The following KIRREL3 variants were observed in gnomAD, a reference collection of about 807,000 sequenced individuals.
The protein encoded by KIRREL3 is kirre like nephrin family adhesion molecule 3.
KIRREL3 carries 36 observed loss-of-function variants against 89.7 expected under a neutral mutation model. The ratio of observed to expected loss-of-function variants is 0.40; its 90% CI spans 0.31 to 0.53. KIRREL3 has a LOEUF of 0.53. Ranked by LOEUF, KIRREL3 falls within the 20% of genes least tolerant of loss-of-function variation. The probability of loss-of-function intolerance (pLI) is 0.49; values close to 1 mark genes in which losing one functional copy is unlikely to be tolerated. For synonymous variants in KIRREL3, 445 were observed against 441.4 expected (o/e 1.01, Z -0.10); for missense variants, 864 against 1,056.6 (o/e 0.82, Z 2.53).
At chr11:126,765,053 T>A (rs368059866) in intron 1 of KIRREL3, among the ~76,000 whole-genome samples, 1 of 152,186 alleles carries the variant, frequency 6.6e-6, no homozygotes, top group African/African-American at 2.4e-5. Flanking sequence ...ATGACATTCC[T>A]AGAGATGGAC....
chr11:126,838,363 T>C (rs911161597), intron 1 of KIRREL3, among the ~76,000 whole-genome samples: 10 of 152,142 alleles, frequency 6.6e-5, no homozygotes, highest in African/African-American at 2.4e-4. Context: ...CTCAAATCAC[T>C]CTAGGGCCAG....
chr11:126,927,232 AC>A (rs1947757613), intron 1 of KIRREL3, among the ~76,000 whole-genome samples: 1 of 24,208 alleles, frequency 4.1e-5, no homozygotes, highest in Non-Finnish European at 9.5e-5. Context: ...GAGTAAGCAC[AC>A]ACACACACAC....
rs566852837 is a variant in KIRREL3 at position 126,655,878 on chromosome 11, C to T, written c.56-92966G>A. ...GTTCTTGTCTGGCTTTCCAGGACAA[C>T]GTGACTTTCTCTTATTTTTTGTTCC... On this transcript the variant is annotated intron_variant, in intron 1 of 16. Coordinates refer to ENST00000525144, the MANE Select transcript of KIRREL3 (RefSeq NM_032531.4). The surrounding 1 kb of genome is among the most constrained non-coding windows in gnomAD (Gnocchi z 5.0). Among the ~76,000 whole-genome samples the T allele has an allele frequency of 2.6e-5, 4 of 151,842 alleles. No individual in the cohort carries two copies. The highest frequency in any genetic ancestry group is 4.8e-5 in the African/African-American group (2 of 41,434).
In KIRREL3 at chr11:126,429,448, A is replaced by G. The variant is rs1591517975; in HGVS notation, c.1697-160T>C. ...CCAGCCCCCCACCAATAGAACCTCC[A>G]TATGGAGATGCTGTGGGTGTTTGGG... On this transcript the variant is annotated intron_variant, in intron 14 of 16. Coordinates refer to ENST00000525144, the MANE Select transcript of KIRREL3 (RefSeq NM_032531.4). This position sits in a 1 kb window ranked among gnomAD's most constrained non-coding sequence, Gnocchi z 5.2. Among the ~76,000 whole-genome samples the G allele has an allele frequency of 2.0e-5, 3 of 152,148 alleles. No individual in the cohort carries two copies. The South Asian group carries it at 6.2e-4, about 32-fold the overall frequency.
intron 1 of KIRREL3, among the ~76,000 whole-genome samples, chr11:126,963,938 C>T (rs890063256): frequency 6.6e-6 from 1 of 152,034 alleles, no homozygotes; most frequent in South Asian, 2.1e-4. Context: ...TTGTCCATAA[C>T]GGAAGAGGGA....
intron 1 of KIRREL3, among the ~76,000 whole-genome samples, chr11:126,681,609 G>GAC (rs56325662): frequency 4.4e-3 from 665 of 150,384 alleles, no homozygotes; most frequent in East Asian, 0.019. Context: ...TGTATATACA[G>GAC]ACACACACAC....
intron 1 of KIRREL3, among the ~76,000 whole-genome samples, chr11:126,848,339 C>A (rs1402517408): frequency 6.6e-6 from 1 of 152,170 alleles, no homozygotes; most frequent in African/African-American, 2.4e-5. Context: ...CATGATTTGT[C>A]TTTAGTGAAA....
At chr11:126,963,229 T>A (rs1240682205) in intron 1 of KIRREL3, among the ~76,000 whole-genome samples, 2 of 152,058 alleles carry the variant, frequency 1.3e-5, no homozygotes, top group Non-Finnish European at 2.9e-5. Flanking sequence ...GGAAGAGATC[T>A]AGCCTTCTAA....
At position 126,520,322 on chromosome 11, in the gene KIRREL3, C is replaced by T. The variant is rs971895160; in HGVS notation, c.433+993G>A. ...CTCCTGCACGCGTGCCTGGCACAGACTCACGTGTAAGGGGGCAGCGAGGTG... is the reference window on the plus strand; with the variant it reads ...CTCCTGCACGCGTGCCTGGCACAGATTCACGTGTAAGGGGGCAGCGAGGTG... On this transcript the variant is annotated intron_variant, in intron 4 of 16. Transcript: ENST00000525144. This position sits in a 1 kb window ranked among gnomAD's most constrained non-coding sequence, Gnocchi z 4.9. Among the ~76,000 whole-genome samples, 1 of 152,178 alleles carries T rather than the reference C, an allele frequency of 6.6e-6. No homozygotes were observed. Among genetic ancestry groups the T allele is most frequent in the Non-Finnish European group, 1.5e-5 (1 of 68,036 alleles).
intron 1 of KIRREL3, among the ~76,000 whole-genome samples, chr11:126,672,517 G>T (rs1021644751): frequency 2.0e-5 from 3 of 152,204 alleles, no homozygotes; most frequent in Non-Finnish European, 4.4e-5. Flanking sequence ...CACTTGAAAA[G>T]GCAAAACTAT....
intron 1 of KIRREL3, among the ~76,000 whole-genome samples, chr11:126,583,714 A>G (rs1941676699): frequency 2.0e-5 from 3 of 152,008 alleles, no homozygotes; most frequent in Non-Finnish European, 2.9e-5. Flanking sequence ...CTATGGGGAT[A>G]AAGGAGAGCA....
chr11:126,632,979 C>A (rs1944106939), intron 1 of KIRREL3, among the ~76,000 whole-genome samples: 1 of 151,772 alleles, frequency 6.6e-6, no homozygotes, highest in African/African-American at 2.4e-5. Flanking sequence ...GTAGTCCCAG[C>A]TATTCGGGAG....
chr11:126,632,791 T>TA (rs755510570), intron 1 of KIRREL3, among the ~76,000 whole-genome samples: 4,936 of 48,510 alleles, frequency 0.1, 184 homozygotes, highest in African/African-American at 0.18. Context: ...AGTCTAAACT[T>TA]AAAAAAAAAA....
chr11:126,706,522 T>C (rs981261822), intron 1 of KIRREL3, among the ~76,000 whole-genome samples: 3 of 152,228 alleles, frequency 2.0e-5, no homozygotes, highest in African/African-American at 4.8e-5. Flanking sequence ...AAATGCTTAA[T>C]AAATGACATG....
At chr11:126,787,998 T>C (rs1350406946) in intron 1 of KIRREL3, among the ~76,000 whole-genome samples, 1 of 152,164 alleles carries the variant, frequency 6.6e-6, no homozygotes, top group Non-Finnish European at 1.5e-5. Context: ...ATCACCCCCA[T>C]TTTACAGGCA....
chr11:126,440,868 G>T, intron 10 of KIRREL3: 2 of 414,566 alleles, frequency 4.8e-6, no homozygotes, highest in Non-Finnish European at 8.8e-6. Flanking sequence ...AGAGGAGAGA[G>T]AATAATTCTA....
intron 4 of KIRREL3, among the ~76,000 whole-genome samples, chr11:126,497,591 C>G (rs948976787): frequency 6.6e-6 from 1 of 152,240 alleles, no homozygotes; most frequent in Non-Finnish European, 1.5e-5. Context: ...AGGGAACTCT[C>G]TCTGGATGGA....
At chr11:126,440,607 C>G in intron 10 of KIRREL3, 58 bp from the exon 11 acceptor site, 2 of 1,448,884 alleles carry the variant, frequency 1.4e-6, no homozygotes, top group Non-Finnish European at 1.9e-6. Context: ...TGCTGGCGCC[C>G]TCTTGGGTGG....
At chr11:126,596,445 A>G (rs964790893) in intron 1 of KIRREL3, among the ~76,000 whole-genome samples, 2 of 152,274 alleles carry the variant, frequency 1.3e-5, no homozygotes, top group Non-Finnish European at 2.9e-5. Context: ...TAGTGAGGGA[A>G]GTGCCAGACT....
Sources: allele counts gnomAD v4.1 joint callset (sites outside exome capture counted in the v4.1 genomes callset), GRCh38; gene constraint gnomAD v4.1.1; non-coding constraint Gnocchi (gnomAD v3.1); transcripts MANE v1.5; gene names NCBI Gene and HGNC (gene_info 2026-07-23, HGNC 2026-07-21).